NAALAD2: variants seen among roughly 807,000 people sequenced by gnomAD.
NAALAD2 encodes N-acetylated-alpha-linked acidic dipeptidase 2.
NAALAD2 carries 89 observed loss-of-function variants against 95.6 expected under a neutral mutation model. The ratio of observed to expected loss-of-function variants is 0.93; its 90% CI spans 0.78 to 1.11. The LOEUF (loss-of-function observed/expected upper bound fraction) is 1.11, where lower values mean the gene tolerates loss of function less well. Ranked by LOEUF, NAALAD2 falls within the 50% of genes least tolerant of loss-of-function variation. The probability of loss-of-function intolerance (pLI) is 0.00; values close to 1 mark genes in which losing one functional copy is unlikely to be tolerated. For synonymous variants in NAALAD2, 264 were observed against 294.4 expected, an observed-to-expected ratio of 0.90 and a Z score of 1.06; for missense variants, 894 against 872.4, an observed-to-expected ratio of 1.02 and a Z score of -0.31.
In NAALAD2 at chr11:90,191,995, A is replaced by G. The variant is rs745710734; in HGVS notation, c.*248A>G. 1.7e-4 allele frequency: 43 copies of G among 246,796 alleles called. No homozygotes were observed. The highest frequency in any genetic ancestry group is 8.4e-5 in the Non-Finnish European group (11 of 130,678). 15.3% of individuals were successfully genotyped at this position (246,796 alleles called of 1,614,324 possible). On this transcript the variant is annotated 3_prime_UTR_variant, in exon 19 of 19. Coordinates refer to ENST00000534061, the MANE Select transcript of NAALAD2 (RefSeq NM_005467.4). ...GGCAGAAAGTAAAAGAAAATTCCCT[A>G]AATTATAGCAAGGAACATGAATTCT...
At chr11:90,172,217 T>A (rs1256620536) in intron 13 of NAALAD2, among the ~76,000 whole-genome samples, 1 of 152,092 alleles carries the variant, frequency 6.6e-6, no homozygotes, top group East Asian at 1.9e-4. Context: ...TGGCTAGAAA[T>A]GAGCAGAACA....
At chr11:90,170,553 G>C (rs1367526670) in intron 13 of NAALAD2, among the ~76,000 whole-genome samples, 1 of 152,184 alleles carries the variant, frequency 6.6e-6, no homozygotes, top group African/African-American at 2.4e-5. Flanking sequence ...GTGATAAGGG[G>C]ACAAGGTCAC....
At chr11:90,164,948 T>C (rs1448209471) in intron 11 of NAALAD2, among the ~76,000 whole-genome samples, 1 of 152,168 alleles carries the variant, frequency 6.6e-6, no homozygotes, top group East Asian at 1.9e-4. Flanking sequence ...CACTAGTTAT[T>C]TTTCCTGACC....
upstream of NAALAD2, among the ~76,000 whole-genome samples, chr11:90,134,167 CAG>C (rs999160887): frequency 6.6e-6 from 1 of 151,958 alleles, no homozygotes; most frequent in African/African-American, 2.4e-5. Context: ...TGAGTGGAAA[CAG>C]AATTACAGAA....
chr11:90,164,453 C>G (rs978474960), intron 11 of NAALAD2: 2 of 152,180 alleles, frequency 1.3e-5, no homozygotes, highest in Non-Finnish European at 2.9e-5. Flanking sequence ...TTCAACTACT[C>G]TGTACAAGCT....
At chr11:90,135,524 G>A (rs7109578) in intron 1 of NAALAD2, 35 bp from the exon 2 acceptor site, 542,588 of 1,449,836 alleles carry the variant, frequency 0.37, 106,880 homozygotes, top group African/African-American at 0.63. Flanking sequence ...GATTTTGTGT[G>A]TATGTGTGCA....
chr11:90,171,758 A>G (rs748662615), intron 13 of NAALAD2, among the ~76,000 whole-genome samples: 6 of 152,192 alleles, frequency 3.9e-5, no homozygotes, highest in Non-Finnish European at 5.9e-5. Context: ...ACTTGAGGAT[A>G]GTGTAGGGGT....
chr11:90,162,232 T>C (rs965807319), intron 8 of NAALAD2, among the ~76,000 whole-genome samples: 32 of 152,166 alleles, frequency 2.1e-4, no homozygotes, highest in African/African-American at 6.8e-4. Context: ...GTTTTTTCTG[T>C]CTGGCTGAGC....
Position 90,134,894 on chromosome 11 carries a change from G to T in NAALAD2, c.82+54G>T, listed in dbSNP as rs996619294. On this transcript the variant is annotated intron_variant, in intron 1 of 18. Coordinates refer to ENST00000534061, the MANE Select transcript of NAALAD2 (RefSeq NM_005467.4). ...TCCGGGGCTCGTGATTCTCTGCAGA[G>T]ATAAAGGGAGAAATCCTGGAGCTGG... 3.8e-6 allele frequency: 6 copies of T among 1,585,712 alleles called. No individual in the cohort carries two copies. In the East Asian group the frequency reaches 1.3e-4, roughly 35 times the overall value.
Position 90,168,966 on chromosome 11 carries a change from A to G in NAALAD2, c.1316A>G (p.Tyr439Cys). 3 of 1,606,822 alleles carry G rather than the reference A, an allele frequency of 1.9e-6. No homozygotes were observed. Among genetic ancestry groups the G allele is most frequent in the Non-Finnish European group, 1.7e-6 (2 of 1,177,810 alleles). The change falls in exon 12 of 19, where the codon TAT becomes TGT. Residue 439 changes from tyrosine (Y) to cysteine (C), a missense_variant. Coordinates refer to ENST00000534061, the MANE Select transcript of NAALAD2 (RefSeq NM_005467.4). ...VKILQERSIA[Y>C]INSDSSIEGN... Reference sequence around the variant, plus strand: ...ATACTCCAGGAGAGAAGCATTGCTTATATCAACTCGGATTCATCTATAGAA... The same window carrying G: ...ATACTCCAGGAGAGAAGCATTGCTTGTATCAACTCGGATTCATCTATAGAA...
At chr11:90,136,985 C>T (rs1213676511) in intron 2 of NAALAD2, among the ~76,000 whole-genome samples, 1 of 151,948 alleles carries the variant, frequency 6.6e-6, no homozygotes, top group Non-Finnish European at 1.5e-5. Context: ...CTTCCATCAA[C>T]AAATATTATG....
rs1415798872 is a variant in NAALAD2 at position 90,135,609 on chromosome 11, C to G, written c.133C>G (p.Gln45Glu). ...KETTTSVRYHQSIRWKLVSEM... is the reference protein window; with the variant it reads ...KETTTSVRYHESIRWKLVSEM... ...AACGACCACTTCTGTGCGCTATCAT[C>G]AAAGTATACGGTGGAAACTGGTATC... Residue 45 changes from glutamine to glutamate, a missense_variant, in exon 2 of 19, where the codon CAA (glutamine) becomes GAA (glutamate). By Grantham distance (29) the Gln-to-Glu change is conservative. Coordinates refer to ENST00000534061, the MANE Select transcript of NAALAD2 (RefSeq NM_005467.4). The G allele has an allele frequency of 6.2e-7, 1 of 1,613,416 alleles. No homozygotes were observed. The highest frequency in any genetic ancestry group is 1.1e-5 in the South Asian group (1 of 90,980).
chr11:90,134,504 G>C (rs532110587), upstream of NAALAD2: 1 of 500,658 alleles, frequency 2.0e-6, no homozygotes, highest in African/African-American at 1.9e-5. Context: ...CTATGTCCGG[G>C]TTACTGCGGG....
At position 90,152,335 on chromosome 11, in the gene NAALAD2, T is replaced by C; in HGVS notation, c.647T>C (p.Ile216Thr). ...ATGTTAGCAGGAGCCATAGGAATCA[T>C]CTTGTACTCAGATCCAGCTGACTAC... ...NAMLAGAIGI[I>T]LYSDPADYFA... Residue 216 changes from isoleucine to threonine, a missense_variant, in exon 6 of 19, where the codon ATC becomes ACC. Transcript: ENST00000534061. 1.2e-6 allele frequency: 2 copies of C among 1,612,060 alleles called. No homozygotes were observed. Among genetic ancestry groups the C allele is most frequent in the Admixed American group, 1.7e-5 (1 of 59,990 alleles).
intron 17 of NAALAD2, among the ~76,000 whole-genome samples, chr11:90,182,681 T>TA (rs1201825224): frequency 6.6e-6 from 1 of 152,048 alleles, no homozygotes; most frequent in African/African-American, 2.4e-5. Context: ...GTGTGTGATG[T>TA]AAAAAAATAT....
intron 18 of NAALAD2, among the ~76,000 whole-genome samples, chr11:90,187,255 T>A (rs993703052): frequency 6.6e-5 from 10 of 151,958 alleles, no homozygotes; most frequent in Non-Finnish European, 1.5e-5. Flanking sequence ...ATTGTGGAAG[T>A]CAGTGTGGCG....
rs1198887308 is a variant in NAALAD2 at position 90,192,557 on chromosome 11, T to C, written c.*810T>C. On this transcript the variant is annotated 3_prime_UTR_variant, in exon 19 of 19. Coordinates refer to ENST00000534061, the MANE Select transcript of NAALAD2 (RefSeq NM_005467.4). Reference sequence around the variant, plus strand: ...TGGCAAATTGTAAACTTAAAATATATATAAAATTTATTGTATGAAAATTAA... The same window carrying C: ...TGGCAAATTGTAAACTTAAAATATACATAAAATTTATTGTATGAAAATTAA... The C allele has an allele frequency of 1.3e-5, 2 of 152,100 alleles. No individual in the cohort carries two copies. The highest frequency in any genetic ancestry group is 6.6e-5 in the Admixed American group (1 of 15,264). The allele number at this position is 152,100 out of a possible 1,614,324, so 9.4% of individuals were successfully genotyped here.
At chr11:90,159,420 A>G in intron 8 of NAALAD2, 83 bp downstream of exon 8, 1 of 974,602 alleles carries the variant, frequency 1.0e-6, no homozygotes, top group Non-Finnish European at 1.6e-6. Flanking sequence ...TGCCAGGGGT[A>G]TTTTGCTTAT....
At chr11:90,187,182 G>T (rs1195997050) in intron 18 of NAALAD2, among the ~76,000 whole-genome samples, 1 of 151,414 alleles carries the variant, frequency 6.6e-6, no homozygotes, top group Non-Finnish European at 1.5e-5. Flanking sequence ...ACAGGTGCTG[G>T]AGAGGATGTG....
Sources: gnomAD v4.1 joint callset for allele counts (sites outside exome capture counted in the v4.1 genomes callset) on GRCh38, gnomAD v4.1.1 for gene constraint, MANE v1.5 for transcripts, NCBI Gene and HGNC (gene_info 2026-07-23, HGNC 2026-07-21) for gene names.